Variants in FOXK2 observed in about 807,000 individuals in gnomAD.
FOXK2 encodes forkhead box protein K2.
Under a neutral mutation model 53.3 loss-of-function variants are expected in FOXK2, and 24 were observed. That is an observed-to-expected ratio of 0.45 (90% CI 0.33 to 0.63). FOXK2 has a LOEUF of 0.63. Among genes scored for constraint, FOXK2 ranks in the 30% least tolerant of loss-of-function variants. The pLI is 0.03. For synonymous variants in FOXK2, 505 were observed against 407.1 expected (o/e 1.24, Z -2.89); for missense variants, 952 against 910.5 (o/e 1.05, Z -0.59).
intron 3 of FOXK2, among the ~76,000 whole-genome samples, chr17:82,570,621 C>T (rs1369185813): frequency 6.6e-6 from 1 of 152,230 alleles, no homozygotes; most frequent in Non-Finnish European, 1.5e-5. Context: ...GCCTGTTTCC[C>T]ATTCCATTTG....
chr17:82,555,264 A>C (rs1400941263), intron 1 of FOXK2, among the ~76,000 whole-genome samples: 1 of 152,184 alleles, frequency 6.6e-6, no homozygotes, highest in East Asian at 1.9e-4. Context: ...CTGCATGTGG[A>C]CCTGCACTGA....
chr17:82,590,984 G>A (rs1012206903), intron 8 of FOXK2, among the ~76,000 whole-genome samples: 4 of 152,230 alleles, frequency 2.6e-5, no homozygotes, highest in African/African-American at 7.2e-5. Flanking sequence ...AGCCTGGGCC[G>A]GTTCTGCCTC....
At chr17:82,556,385 A>G (rs1247440378) in intron 1 of FOXK2, among the ~76,000 whole-genome samples, 1 of 152,072 alleles carries the variant, frequency 6.6e-6, no homozygotes, top group Admixed American at 6.6e-5. Context: ...CGAAGGTTGC[A>G]GTGAGCCAAG....
intron 1 of FOXK2, among the ~76,000 whole-genome samples, chr17:82,525,039 G>C (rs1453623371): frequency 6.6e-6 from 1 of 150,436 alleles, no homozygotes; most frequent in Admixed American, 6.7e-5. Flanking sequence ...ACAGTGGCAC[G>C]ATCTCGGCTC....
intron 5 of FOXK2, among the ~76,000 whole-genome samples, chr17:82,583,480 A>G (rs1020936850): frequency 1.3e-5 from 2 of 152,246 alleles, no homozygotes; most frequent in African/African-American, 4.8e-5. Context: ...CCGGAAAGGC[A>G]GAGATTGCAG....
At chr17:82,574,912 C>G (rs1018005477) in intron 4 of FOXK2, among the ~76,000 whole-genome samples, 1 of 152,158 alleles carries the variant, frequency 6.6e-6, no homozygotes, top group Admixed American at 6.5e-5. Context: ...GCATTTACGT[C>G]CTATGATTTG....
intron 1 of FOXK2, among the ~76,000 whole-genome samples, chr17:82,555,709 C>G (rs1335250523): frequency 6.8e-6 from 1 of 147,556 alleles, no homozygotes; most frequent in Non-Finnish European, 1.5e-5. Context: ...ATGGTGAAAC[C>G]CCGTCTCTAC....
At chr17:82,537,337 A>G (rs111285544) in intron 1 of FOXK2, among the ~76,000 whole-genome samples, 1 of 152,186 alleles carries the variant, frequency 6.6e-6, no homozygotes, top group East Asian at 1.9e-4. Flanking sequence ...TTAGACCGTA[A>G]AAGTGGATGT....
chr17:82,561,212 A>C (rs2044789510), intron 1 of FOXK2, among the ~76,000 whole-genome samples: 1 of 152,128 alleles, frequency 6.6e-6, no homozygotes, highest in Non-Finnish European at 1.5e-5. Context: ...TTCTGGCCTG[A>C]GCACCTGAGT....
intron 8 of FOXK2, among the ~76,000 whole-genome samples, chr17:82,588,808 T>C (rs1252991506): frequency 6.6e-6 from 1 of 150,582 alleles, no homozygotes; most frequent in African/African-American, 2.4e-5. Flanking sequence ...CCCAGCACTT[T>C]GGGAGGTCGA....
intron 1 of FOXK2, among the ~76,000 whole-genome samples, chr17:82,525,281 A>G (rs971152133): frequency 6.6e-6 from 1 of 152,082 alleles, no homozygotes; most frequent in Non-Finnish European, 1.5e-5. Flanking sequence ...GGTTCAAGCA[A>G]TTCTTCTGTC....
At chr17:82,523,133 A>T (rs61737553) in intron 1 of FOXK2, among the ~76,000 whole-genome samples, 2 of 152,150 alleles carry the variant, frequency 1.3e-5, no homozygotes, top group South Asian at 4.1e-4. Context: ...GTCTTGCAGT[A>T]GAGATGAGTA....
rs774728402 is a variant in FOXK2, at chr17:82,586,051, A to G, written c.1427A>G (p.Gln476Arg). Reference protein sequence around the residue: ...PVVQTVHVVHQIPAVSVTSVA... With the variant: ...PVVQTVHVVHRIPAVSVTSVA... Reference sequence around the variant, plus strand: ...GTGCAGACGGTTCACGTCGTCCACCAGATCCCAGCGGTGTCGGTCACCAGT... The same window carrying G: ...GTGCAGACGGTTCACGTCGTCCACCGGATCCCAGCGGTGTCGGTCACCAGT... Residue 476 changes from glutamine to arginine, a missense_variant, in exon 7 of 9, where the codon CAG (glutamine) becomes CGG (arginine). Physicochemically the swap from Gln to Arg is conservative, Grantham distance 43. Around this residue, in one of 5 missense-constraint regions of FOXK2, gnomAD observed 551 missense variants for 385.1 expected, o/e 1.43. Transcript: ENST00000335255. 6.2e-7 allele frequency: 1 copy of G among 1,612,798 alleles called. No homozygotes were observed. Among genetic ancestry groups the G allele is most frequent in the Admixed American group, 1.7e-5 (1 of 60,026 alleles).
chr17:82,535,185 C>T (rs765224533), intron 1 of FOXK2, among the ~76,000 whole-genome samples: 1 of 152,086 alleles, frequency 6.6e-6, no homozygotes, highest in Non-Finnish European at 1.5e-5. Context: ...CGGCCTTGGC[C>T]TTCGTGATTT....
chr17:82,583,792 A>T (rs1412162614), intron 5 of FOXK2, among the ~76,000 whole-genome samples: 1 of 152,208 alleles, frequency 6.6e-6, no homozygotes, highest in African/African-American at 2.4e-5. Context: ...TATGTGGGTG[A>T]GGGCCCGTGA....
chr17:82,578,061 C>G (rs1022047676), intron 4 of FOXK2: 1 of 152,334 alleles, frequency 6.6e-6, no homozygotes. Context: ...AAAGGGAGGA[C>G]TGTACTCTGG....
At chr17:82,533,718 CCTCATATAT>C (rs1363741787) in intron 1 of FOXK2, among the ~76,000 whole-genome samples, 5 of 151,924 alleles carry the variant, frequency 3.3e-5, no homozygotes, top group African/African-American at 1.2e-4. Context: ...TTAACGGGAC[CCTCATATAT>C]GCGGCCCATC....
intron 1 of FOXK2, among the ~76,000 whole-genome samples, chr17:82,560,738 C>T (rs1042548604): frequency 6.6e-6 from 1 of 152,104 alleles, no homozygotes; most frequent in African/African-American, 2.4e-5. Context: ...TGGTTCACGC[C>T]TGTAATTTCA....
At chr17:82,595,490 A>G (rs974321319) in intron 8 of FOXK2, among the ~76,000 whole-genome samples, 5 of 151,900 alleles carry the variant, frequency 3.3e-5, no homozygotes, top group Non-Finnish European at 2.9e-5. Flanking sequence ...TTTTGTAGAG[A>G]TGGGGTCTTA....
Sources: allele counts gnomAD v4.1 joint callset (sites outside exome capture counted in the v4.1 genomes callset), GRCh38; gene constraint gnomAD v4.1.1; regional missense constraint gnomAD v4.1.1; transcripts MANE v1.5; gene names NCBI Gene and HGNC (gene_info 2026-07-23, HGNC 2026-07-21).